The following ATP8B3 variants were observed in gnomAD, a reference collection of about 807,000 sequenced individuals.
The protein encoded by ATP8B3 is ATPase phospholipid transporting 8B3.
Under a neutral mutation model 140.9 loss-of-function variants are expected in ATP8B3, and 141 were observed. The ratio of observed to expected loss-of-function variants is 1.00; its 90% confidence interval spans 0.87 to 1.15. The LOEUF (loss-of-function observed/expected upper bound fraction) is 1.15. Ranked by LOEUF, ATP8B3 falls within the 50% of genes most tolerant of loss-of-function variation. The pLI is 0.00. For missense variants in ATP8B3, 1,874 were observed against 1,740.6 expected (o/e 1.08, Z -1.36); for synonymous variants, 765 against 714.6 (o/e 1.07, Z -1.13).
At position 1,802,063 on chromosome 19, in the gene ATP8B3, C is replaced by A. The variant is rs749558959; in HGVS notation, c.1064-19G>T. On this transcript the variant is annotated intron_variant, in intron 11 of 28. Transcript: ENST00000310127. ...TCAAAACCTACAAACATGTATCCAT[C>A]TATCCACCCACCCACCCACCCATCC... 1.9e-5 allele frequency: 29 copies of A among 1,556,148 alleles called. No homozygotes were observed. The highest frequency in any genetic ancestry group is 2.8e-5 in the African/African-American group (2 of 71,562).
rs148948342 is a variant in ATP8B3 at position 1,811,471 on chromosome 19, C to T, written c.248+18G>A. ...CCCCTGCCCCTGTGTTCCGGCCACC[C>T]GATGCACCCGTCCTCACCCTTCTGG... On this transcript the variant is annotated intron_variant, in intron 2 of 28. Transcript: ENST00000310127. 3.6e-5 allele frequency: 58 copies of T among 1,605,964 alleles called. No homozygotes were observed. The East Asian group carries it at 6.9e-4, about 19-fold the overall frequency.
intron 24 of ATP8B3, among the ~76,000 whole-genome samples, chr19:1,787,924 C>T (rs1226280182): frequency 6.6e-6 from 1 of 151,832 alleles, no homozygotes; most frequent in African/African-American, 2.4e-5. Flanking sequence ...TGTCTGTAAT[C>T]TCAGCCACTA....
rs555479778 is a variant in ATP8B3 at position 1,801,070 on chromosome 19, C to T, written c.1153-621G>A. ...GTCTTGATCTCCTGACCTCGTGATCCACCTGCCTCAGCCTCCCAAGGTGCT... is the reference window on the plus strand; with the variant it reads ...GTCTTGATCTCCTGACCTCGTGATCTACCTGCCTCAGCCTCCCAAGGTGCT... On this transcript the variant is annotated intron_variant, in intron 12 of 28. Coordinates refer to ENST00000310127, the MANE Select transcript of ATP8B3 (RefSeq NM_138813.4). 7.2e-3 allele frequency among the ~76,000 whole-genome samples: 1,093 copies of T among 151,952 alleles called. 13 individuals are homozygous for T. The highest frequency in any genetic ancestry group is 0.025 in the African/African-American group (1,024 of 41,436).
intron 23 of ATP8B3, 73 bp from the exon 24 acceptor site, chr19:1,789,193 G>C: frequency 2.8e-6 from 3 of 1,080,512 alleles, no homozygotes; most frequent in South Asian, 3.0e-5. Flanking sequence ...CCCCCGCACT[G>C]TTCTGCCCCC....
rs1370206783 is a variant in ATP8B3, at chr19:1,802,517, C to T, written c.1033G>A (p.Asp345Asn). 1.3e-6 allele frequency: 2 copies of T among 1,572,442 alleles called. No individual in the cohort carries two copies. Among genetic ancestry groups the T allele is most frequent in the South Asian group, 2.2e-5 (2 of 90,126 alleles). The change falls in exon 11 of 29, where the codon GAC becomes AAC. Residue 345 changes from aspartate to asparagine, a missense_variant. Physicochemically the swap from Asp to Asn is conservative, Grantham distance 23. This residue lies in a region of ATP8B3 where 1,032 missense variants were observed against 963.6 expected (regional missense o/e 1.07). Coordinates refer to ENST00000310127, the MANE Select transcript of ATP8B3 (RefSeq NM_138813.4). ...TAAATGACCAGTCCATAGCAGGTGTCTGTGTTGCGAATCCTGCAGCCTCGG... is the reference window on the plus strand; with the variant it reads ...TAAATGACCAGTCCATAGCAGGTGTTTGTGTTGCGAATCCTGCAGCCTCGG... ...LLRGCRIRNT[D>N]TCYGLVIYAG... is the part of the protein sequence containing the mutation.
At position 1,782,305 on chromosome 19, in the gene ATP8B3, C is replaced by T; in HGVS notation, c.*723G>A. ...TTCAGATGCTACGTCACTGCTGAAC[C>T]CTGGTCCCCTCCGCAGAGGGCAATG... On this transcript the variant is annotated 3_prime_UTR_variant, in exon 29 of 29. Coordinates refer to ENST00000310127, the MANE Select transcript of ATP8B3 (RefSeq NM_138813.4). 1 of 351,388 alleles carries T rather than the reference C, an allele frequency of 2.8e-6. No individual in the cohort carries two copies. 21.8% of individuals were successfully genotyped at this position (351,388 alleles called of 1,614,324 possible).
At position 1,790,634 on chromosome 19, in the gene ATP8B3, C is replaced by T; in HGVS notation, c.2378+123G>A. The T allele has an allele frequency of 3.0e-6, 2 of 671,830 alleles. 1 individual carries two copies. The highest frequency in any genetic ancestry group is 4.6e-6 in the Non-Finnish European group (2 of 430,912). 41.6% of individuals were successfully genotyped at this position (671,830 alleles called of 1,614,324 possible). A position where few individuals can be genotyped will look rare whatever the true frequency, so the allele number is the denominator to read the frequency against. ...CACTCCTTCCTCCTACCCTTCCCTC[C>T]CCTCTCAATCCCCCCCTTCCCACTG... On this transcript the variant is annotated intron_variant, in intron 21 of 28. Transcript: ENST00000310127.
At chr19:1,784,997 C>T (rs1434357709) in intron 27 of ATP8B3, 51 bp from the exon 28 acceptor site, 1 of 1,568,810 alleles carries the variant, frequency 6.4e-7, no homozygotes, top group Non-Finnish European at 8.6e-7. Context: ...TCCAAGGATG[C>T]CCCCAGGCTA....
At chr19:1,803,896 CAAAAAAAAAAAAA>C (rs56937286) in intron 10 of ATP8B3, among the ~76,000 whole-genome samples, 11 of 72,424 alleles carry the variant, frequency 1.5e-4, no homozygotes. Context: ...GACTCTGTCT[CAAAAAAAAAAAAA>C]AAAAAAAAAA....
In ATP8B3 at chr19:1,806,727, C is replaced by T. The variant is rs1238654015; in HGVS notation, c.616-38G>A. ...GGAAAGGATCAGAGAGACCGTCCAG[C>T]CTCTCCTGCCCCCGCCCAGGCCGCT... On this transcript the variant is annotated intron_variant, in intron 6 of 28. Transcript: ENST00000310127. This position sits in a 1 kb window ranked among gnomAD's most constrained non-coding sequence, Gnocchi z 5.6. The T allele has an allele frequency of 6.5e-7, 1 of 1,546,794 alleles. No homozygotes were observed. The highest frequency in any genetic ancestry group is 2.4e-5 in the East Asian group (1 of 40,936).
intron 10 of ATP8B3, among the ~76,000 whole-genome samples, chr19:1,803,072 AATG>A (rs2068903365): frequency 6.6e-6 from 1 of 152,042 alleles, no homozygotes; most frequent in Admixed American, 6.6e-5. Flanking sequence ...GTGCTCAATA[AATG>A]TGTCAAGAGG....
chr19:1,804,600 T>C (rs1190883153), intron 10 of ATP8B3, among the ~76,000 whole-genome samples: 2 of 143,398 alleles, frequency 1.4e-5, no homozygotes, highest in African/African-American at 5.3e-5. Context: ...AGAGCGAGAC[T>C]CCGTCTCAAA....
rs1464316351 is a variant in ATP8B3 at position 1,789,954 on chromosome 19, T to C, written c.2414A>G (p.Asn805Ser). ...CGACAGGGACTCCCTGGTTAGAAGG[T>C]TGTTACTGTTTTCCCAGTAGGTCTC... ...ILETYWENSN[N>S]LLTRESLSQV... The change falls in exon 22 of 29, where the codon AAC (asparagine) becomes AGC (serine). Residue 805 changes from asparagine (N) to serine (S), a missense_variant. Coordinates refer to ENST00000310127, the MANE Select transcript of ATP8B3 (RefSeq NM_138813.4). The C allele has an allele frequency of 6.2e-7, 1 of 1,612,072 alleles. No homozygotes were observed. The highest frequency in any genetic ancestry group is 8.5e-7 in the Non-Finnish European group (1 of 1,179,548).
intron 18 of ATP8B3, among the ~76,000 whole-genome samples, chr19:1,793,662 G>A (rs925635889): frequency 4.6e-5 from 7 of 152,250 alleles, no homozygotes; most frequent in East Asian, 1.9e-4. Context: ...GTGCCCTTAC[G>A]GCTTCTTACC....
At position 1,789,691 on chromosome 19, in the gene ATP8B3, C is replaced by G. The variant is rs745445267; in HGVS notation, c.2515G>C (p.Ala839Pro). The change falls in exon 23 of 29, where the codon GCC (alanine) becomes CCC (proline). Residue 839 changes from alanine (A) to proline (P), a missense_variant. Transcript: ENST00000310127. ...LLVSLRKEPRALAQNVNMDEA... is the reference protein window; with the variant it reads ...LLVSLRKEPRPLAQNVNMDEA... ...TCCATGTTCACGTTCTGCGCCAGGG[C>G]GCGCGGCTCCTTCCGCAGGGACACC... 11 of 1,589,148 alleles carry G rather than the reference C, an allele frequency of 6.9e-6. No homozygotes were observed. The highest frequency in any genetic ancestry group is 9.4e-6 in the Non-Finnish European group (11 of 1,170,692).
chr19:1,791,732 G>A lies in ATP8B3; in HGVS notation c.2302+18C>T, dbSNP rs368111264. 10 of 1,594,148 alleles carry A rather than the reference G, an allele frequency of 6.3e-6. No individual in the cohort carries two copies. In the South Asian group the frequency reaches 9.9e-5, roughly 16 times the overall value. ...CATGCTGCAGGGGCTTAGCCACCCG[G>A]AGCTGCCCGGGACTCACCCTGCTTG... On this transcript the variant is annotated intron_variant, in intron 20 of 28. Transcript: ENST00000310127.
intron 24 of ATP8B3, among the ~76,000 whole-genome samples, chr19:1,787,678 G>T (rs1175332413): frequency 7.2e-6 from 1 of 139,260 alleles, no homozygotes; most frequent in Non-Finnish European, 1.5e-5. Flanking sequence ...GCAGTGAGCC[G>T]AGATCACACT....
intron 5 of ATP8B3, 54 bp downstream of exon 5, chr19:1,808,168 T>C: frequency 1.4e-6 from 2 of 1,403,640 alleles, no homozygotes; most frequent in South Asian, 2.4e-5. Flanking sequence ...GACAAACACA[T>C]CGATGCTGCC....
At chr19:1,795,727 T>C in intron 18 of ATP8B3, 148 bp downstream of exon 18, 1 of 779,316 alleles carries the variant, frequency 1.3e-6, no homozygotes, top group Non-Finnish European at 2.1e-6. Flanking sequence ...CCCAGGTACC[T>C]GCAGCCTTCC....
Sources: allele counts gnomAD v4.1 joint callset (sites outside exome capture counted in the v4.1 genomes callset), GRCh38; gene constraint gnomAD v4.1.1; regional missense constraint gnomAD v4.1.1; non-coding constraint Gnocchi (gnomAD v3.1); transcripts MANE v1.5; gene names NCBI Gene and HGNC (gene_info 2026-07-23, HGNC 2026-07-21).